Variants in WASF2 observed in about 807,000 individuals in gnomAD.
WASF2 encodes WASP family member 2, also known as actin-binding protein WASF2.
Under a neutral mutation model 45.0 loss-of-function variants are expected in WASF2, and 14 were observed. The ratio of observed to expected loss-of-function variants is 0.31; its 90% CI spans 0.21 to 0.49. WASF2 has a LOEUF of 0.49. Ranked by LOEUF, WASF2 falls within the 20% of genes least tolerant of loss-of-function variation. WASF2 has a pLI of 0.99. For missense variants in WASF2, 439 were observed against 636.1 expected (o/e 0.69, Z 3.33); for synonymous variants, 200 against 236.3 (o/e 0.85, Z 1.41).
At chr1:27,485,814 C>T (rs965606482) in intron 1 of WASF2, among the ~76,000 whole-genome samples, 2 of 152,302 alleles carry the variant, frequency 1.3e-5, no homozygotes, top group Admixed American at 1.3e-4. Flanking sequence ...CGGATTCAAG[C>T]GATTCTCCTG....
intron 2 of WASF2, among the ~76,000 whole-genome samples, chr1:27,421,816 A>C (rs1383789893): frequency 6.8e-6 from 1 of 147,242 alleles, no homozygotes; most frequent in Non-Finnish European, 1.5e-5. Context: ...ACTCCATCTC[A>C]AAAAAAAAAA....
At chr1:27,463,134 G>C (rs896028592) in intron 1 of WASF2, among the ~76,000 whole-genome samples, 3 of 152,128 alleles carry the variant, frequency 2.0e-5, no homozygotes, top group Non-Finnish European at 4.4e-5. Flanking sequence ...GCTGCTTTTA[G>C]AGAATGGCAG....
At chr1:27,459,888 T>C (rs973830137) in intron 1 of WASF2, among the ~76,000 whole-genome samples, 2 of 152,236 alleles carry the variant, frequency 1.3e-5, no homozygotes, top group Non-Finnish European at 2.9e-5. Context: ...TAGAATAATT[T>C]TGAAAGTTTA....
intron 1 of WASF2, among the ~76,000 whole-genome samples, chr1:27,438,619 G>A (rs966629060): frequency 6.6e-6 from 1 of 152,208 alleles, no homozygotes; most frequent in Non-Finnish European, 1.5e-5. Flanking sequence ...AAAATGTTTT[G>A]TTGACACTTC....
chr1:27,482,400 T>G (rs1166834366), intron 1 of WASF2, among the ~76,000 whole-genome samples: 1 of 152,210 alleles, frequency 6.6e-6, no homozygotes, highest in Non-Finnish European at 1.5e-5. Context: ...CATCAAGAGA[T>G]ACATCTTAGC....
At chr1:27,452,030 G>C (rs6656683) in intron 1 of WASF2, among the ~76,000 whole-genome samples, 1 of 152,114 alleles carries the variant, frequency 6.6e-6, no homozygotes, top group Non-Finnish European at 1.5e-5. Flanking sequence ...AACCAGAGTG[G>C]AACACAGGTA....
At chr1:27,470,586 TC>T (rs202211690) in intron 1 of WASF2, among the ~76,000 whole-genome samples, 7,547 of 147,636 alleles carry the variant, frequency 0.051, 711 homozygotes, top group East Asian at 0.39. Flanking sequence ...TGAATAGTGT[TC>T]AATAAATGAC....
intron 1 of WASF2, among the ~76,000 whole-genome samples, chr1:27,465,360 C>T (rs57019711): frequency 0.24 from 36,069 of 152,098 alleles, 7,209 homozygotes; most frequent in African/African-American, 0.54. Context: ...AATTTGCACA[C>T]CATTCTCAGC....
chr1:27,473,279 G>C (rs913130345), intron 1 of WASF2, among the ~76,000 whole-genome samples: 11 of 151,658 alleles, frequency 7.3e-5, no homozygotes, highest in Non-Finnish European at 1.3e-4. Context: ...AGGAGATGAA[G>C]ACCATCCTGG....
chr1:27,420,580 C>T (rs2016893123), intron 2 of WASF2, among the ~76,000 whole-genome samples: 1 of 123,780 alleles, frequency 8.1e-6, no homozygotes, highest in Admixed American at 1.1e-4. Flanking sequence ...AGTGCAGTGG[C>T]ACGCAATCTC....
intron 1 of WASF2, among the ~76,000 whole-genome samples, chr1:27,437,785 T>C (rs990127924): frequency 2.0e-5 from 3 of 152,218 alleles, no homozygotes; most frequent in Non-Finnish European, 4.4e-5. Flanking sequence ...TTACTCCTAA[T>C]AAGGTATCAG....
chr1:27,488,681 C>T (rs912361627), intron 1 of WASF2, among the ~76,000 whole-genome samples: 3 of 152,154 alleles, frequency 2.0e-5, no homozygotes, highest in Non-Finnish European at 1.5e-5. Flanking sequence ...ATTAACCTTC[C>T]AGAGATCAAG....
At chr1:27,488,740 GC>G (rs1379280518) in intron 1 of WASF2, among the ~76,000 whole-genome samples, 4 of 152,122 alleles carry the variant, frequency 2.6e-5, no homozygotes, top group African/African-American at 9.7e-5. Flanking sequence ...CCAGACCTCT[GC>G]CCCCATTTGT....
intron 1 of WASF2, among the ~76,000 whole-genome samples, chr1:27,452,781 A>G (rs903599132): frequency 2.0e-5 from 3 of 151,802 alleles, no homozygotes; most frequent in Admixed American, 6.6e-5. Context: ...ACACCACCGC[A>G]CTCCAGCCTG....
At chr1:27,460,630 T>C (rs2017531609) in intron 1 of WASF2, among the ~76,000 whole-genome samples, 1 of 152,196 alleles carries the variant, frequency 6.6e-6, no homozygotes, top group Non-Finnish European at 1.5e-5. Context: ...GATCACCCTA[T>C]CCTTGAAGAA....
In WASF2 at chr1:27,406,957, A is replaced by G. The variant is rs935673399; in HGVS notation, c.*1232T>C. On this transcript the variant is annotated 3_prime_UTR_variant, in exon 9 of 9. Transcript: ENST00000618852. ...AAAGCAGCACCTGTCAAAGCTGCCT[A>G]TCCCCTTCCTTCTCTCACTACTTCT... 2 of 152,276 alleles carry G rather than the reference A, an allele frequency of 1.3e-5. No individual in the cohort carries two copies. The highest frequency in any genetic ancestry group is 4.8e-5 in the African/African-American group (2 of 41,464). The allele number at this position is 152,276 out of a possible 1,614,324, so 9.4% of individuals were successfully genotyped here.
intron 1 of WASF2, among the ~76,000 whole-genome samples, chr1:27,432,234 G>A (rs1402600880): frequency 6.6e-6 from 1 of 151,974 alleles, no homozygotes; most frequent in Non-Finnish European, 1.5e-5. Context: ...TTATGGAGTC[G>A]ACACATTCTT....
At chr1:27,439,226 T>C (rs1424369752) in intron 1 of WASF2, among the ~76,000 whole-genome samples, 2 of 152,184 alleles carry the variant, frequency 1.3e-5, no homozygotes, top group South Asian at 2.1e-4. Context: ...TCTGTAAAGT[T>C]GTTGTGAAGA....
intron 6 of WASF2, among the ~76,000 whole-genome samples, chr1:27,413,759 T>TA (rs1330296629): frequency 1.3e-5 from 2 of 152,170 alleles, no homozygotes; most frequent in Non-Finnish European, 2.9e-5. Flanking sequence ...CTTCTGGCCT[T>TA]AGAGTCATTG....
Sources: gnomAD v4.1 joint callset for allele counts (sites outside exome capture counted in the v4.1 genomes callset) on GRCh38, gnomAD v4.1.1 for gene constraint, MANE v1.5 for transcripts, NCBI Gene and HGNC (gene_info 2026-07-23, HGNC 2026-07-21) for gene names.